The following CUX1 variants were observed in gnomAD, a reference collection of about 807,000 sequenced individuals.
CUX1 encodes cut like homeobox 1.
Under a neutral mutation model 158.8 loss-of-function variants are expected in CUX1, and 31 were observed. The observed-to-expected ratio is 0.20, with a 90% CI of 0.15 to 0.26. The LOEUF is 0.26. Ranked by LOEUF, CUX1 falls within the 10% of genes least tolerant of loss-of-function variation. The probability of loss-of-function intolerance (pLI) is 1.00; values close to 1 mark genes in which losing one functional copy is unlikely to be tolerated. For missense variants in CUX1, 1,589 were observed against 2,014.6 expected (o/e 0.79, Z 4.04); for synonymous variants, 879 against 862.1 (o/e 1.02, Z -0.34).
chr7:102,275,736 C>G (rs534579293), intron 17 of CUX1, among the ~76,000 whole-genome samples: 29 of 152,240 alleles, frequency 1.9e-4, no homozygotes, highest in Admixed American at 1.6e-3. Flanking sequence ...GAGCCAGGTG[C>G]GGTGGCTCAC....
At chr7:102,222,945 G>A (rs1004232254) in intron 20 of CUX1, among the ~76,000 whole-genome samples, 14 of 147,960 alleles carry the variant, frequency 9.5e-5, no homozygotes, top group African/African-American at 1.7e-4. Flanking sequence ...TCAGCTTCCC[G>A]AGTAGCTGGG....
At position 102,097,447 on chromosome 7, in the gene CUX1, C is replaced by A; in HGVS notation, c.352C>A (p.Leu118Ile). The stretch of plus-strand genomic sequence containing the variant: ...CGATATTGAAACAGAGAACCAGAAA[C>A]TTAGGGAAACTCTGGAAGAATACAA... ...LHDIETENQK[L>I]RETLEEYNKE... The change falls in exon 5 of 24, where the codon CTT (leucine) becomes ATT (isoleucine). Residue 118 changes from leucine (L) to isoleucine (I), a missense_variant. Physicochemically the swap from Leu to Ile is conservative, Grantham distance 5 (BLOSUM62 2). Around this residue, in one of 8 missense-constraint regions of CUX1, gnomAD observed 515 missense variants for 574.4 expected, o/e 0.90. Transcript: ENST00000292535. 6.2e-7 allele frequency: 1 copy of A among 1,613,492 alleles called. No individual in the cohort carries two copies. Among genetic ancestry groups the A allele is most frequent in the Non-Finnish European group, 8.5e-7 (1 of 1,179,882 alleles).
At chr7:101,915,997 A>C in intron 1 of CUX1, 118 bp from the exon 2 acceptor site, 1 of 704,314 alleles carries the variant, frequency 1.4e-6, no homozygotes, top group South Asian at 1.6e-5. Flanking sequence ...CAATGAGTTG[A>C]TGTTCCTTAG....
intron 1 of CUX1, among the ~76,000 whole-genome samples, chr7:101,859,417 A>G (rs1460976502): frequency 6.6e-6 from 1 of 152,162 alleles, no homozygotes; most frequent in Non-Finnish European, 1.5e-5. Flanking sequence ...CTTCCTTAAC[A>G]TTTTAATTTG....
At chr7:102,009,899 T>G (rs1473443240) in intron 2 of CUX1, among the ~76,000 whole-genome samples, 2 of 152,332 alleles carry the variant, frequency 1.3e-5, no homozygotes, top group Non-Finnish European at 2.9e-5. Context: ...TCAGTGAGCC[T>G]TCGTGACTGG....
At chr7:101,850,518 A>G (rs1796167350) in intron 1 of CUX1, among the ~76,000 whole-genome samples, 1 of 144,540 alleles carries the variant, frequency 6.9e-6, no homozygotes, top group African/African-American at 2.6e-5. Context: ...TTGACCAGGT[A>G]TAGGAAATGA....
intron 3 of CUX1, among the ~76,000 whole-genome samples, chr7:102,061,800 T>A (rs187577911): frequency 1.7e-4 from 26 of 152,268 alleles, no homozygotes; most frequent in Non-Finnish European, 2.8e-4. Flanking sequence ...TTCGGAAGGC[T>A]GAGGCGGGTA....
chr7:101,939,353 T>G (rs983444291), intron 2 of CUX1, among the ~76,000 whole-genome samples: 1 of 152,138 alleles, frequency 6.6e-6, no homozygotes, highest in East Asian at 1.9e-4. Context: ...TTCCATTGTA[T>G]GGATGTACCA....
At chr7:101,843,455 A>G (rs1350778689) in intron 1 of CUX1, among the ~76,000 whole-genome samples, 1 of 152,142 alleles carries the variant, frequency 6.6e-6, no homozygotes, top group Non-Finnish European at 1.5e-5. Flanking sequence ...GTAGGGTTGA[A>G]CTTTCTTCTG....
chr7:101,906,237 A>T (rs1320780113), intron 1 of CUX1, among the ~76,000 whole-genome samples: 1 of 151,906 alleles, frequency 6.6e-6, no homozygotes, highest in Admixed American at 6.6e-5. Context: ...TTCACAGCCC[A>T]TGGGGAGACG....
chr7:102,029,647 G>T (rs1351957954), intron 3 of CUX1, among the ~76,000 whole-genome samples: 1 of 152,142 alleles, frequency 6.6e-6, no homozygotes, highest in Non-Finnish European at 1.5e-5. Flanking sequence ...AAATTTTCGA[G>T]GGCAGAACAG....
intron 2 of CUX1, among the ~76,000 whole-genome samples, chr7:102,016,365 C>T (rs899576258): frequency 1.3e-5 from 2 of 152,218 alleles, no homozygotes; most frequent in African/African-American, 4.8e-5. Flanking sequence ...ACAACAGAGG[C>T]CCAGGAGGCA....
intron 3 of CUX1, among the ~76,000 whole-genome samples, chr7:102,053,845 T>TG (rs1192824229): frequency 6.7e-6 from 1 of 150,102 alleles, no homozygotes; most frequent in Admixed American, 6.6e-5. Context: ...CTCACCCTGT[T>TG]GCCCAGGGTG....
chr7:102,244,037 A>G (rs988053420), intron 23 of CUX1, among the ~76,000 whole-genome samples: 5 of 152,080 alleles, frequency 3.3e-5, no homozygotes, highest in African/African-American at 1.2e-4. Context: ...AAAAAAATAA[A>G]AATAAAAATA....
chr7:102,230,184 G>A lies in CUX1; in HGVS notation c.3433+2515G>A, dbSNP rs192024211. Among the ~76,000 whole-genome samples the A allele has an allele frequency of 1.6e-3, 251 of 152,226 alleles. 2 individuals carry two copies. Among genetic ancestry groups the A allele is most frequent in the African/African-American group, 5.5e-3 (229 of 41,546 alleles). On this transcript the variant is annotated intron_variant, in intron 21 of 23. Transcript: ENST00000292535. The stretch of plus-strand genomic sequence containing the variant: ...GGGATGAGAAGAGAAGGGAGGCCGA[G>A]CATGGTGGCTCACTTGAGAATGACA...
At chr7:102,030,691 G>GTTTTTTTTTTTTTTTTT (rs71119801) in intron 3 of CUX1, among the ~76,000 whole-genome samples, 2 of 119,410 alleles carry the variant, frequency 1.7e-5, no homozygotes, top group African/African-American at 3.1e-5. Context: ...TTTAAAAAGT[G>GTTTTTTTTTTTTTTTTT]TTTTTTTTTT....
chr7:101,882,220 G>T (rs11763251), intron 1 of CUX1, among the ~76,000 whole-genome samples: 1 of 152,072 alleles, frequency 6.6e-6, no homozygotes, highest in South Asian at 2.1e-4. Flanking sequence ...TTGTTTCCTA[G>T]CAAGAAGCAG....
chr7:102,175,751 T>C (rs945702376), intron 10 of CUX1, among the ~76,000 whole-genome samples: 3 of 152,222 alleles, frequency 2.0e-5, no homozygotes, highest in African/African-American at 4.8e-5. Flanking sequence ...CTCGTGACGT[T>C]GGCCCTGCCC....
At position 101,867,571 on chromosome 7, in the gene CUX1, A is replaced by G. The variant is rs1312721562; in HGVS notation, c.31-48544A>G. On this transcript the variant is annotated intron_variant, in intron 1 of 23. Transcript: ENST00000292535. ...GGCTTCTGTGCGGCCACGCTTAATAAACAGTCTGCCTGGGAAACTGAGCAT... is the reference window on the plus strand; with the variant it reads ...GGCTTCTGTGCGGCCACGCTTAATAGACAGTCTGCCTGGGAAACTGAGCAT... Among the ~76,000 whole-genome samples the G allele has an allele frequency of 2.0e-5, 3 of 152,270 alleles. No individual in the cohort carries two copies. The East Asian group carries it at 5.8e-4, about 29-fold the overall frequency.
Sources: allele counts gnomAD v4.1 joint callset (sites outside exome capture counted in the v4.1 genomes callset), GRCh38; gene constraint gnomAD v4.1.1; regional missense constraint gnomAD v4.1.1; transcripts MANE v1.5; gene names NCBI Gene and HGNC (gene_info 2026-07-23, HGNC 2026-07-21).